The following SNAP25 variants were observed in gnomAD, a reference collection of about 807,000 sequenced individuals.
SNAP25 encodes the protein synaptosomal-associated protein 25.
SNAP25 carries 3 observed loss-of-function variants against 28.7 expected under a neutral mutation model. The observed-to-expected ratio is 0.10, with a 90% CI of 0.05 to 0.27. The LOEUF (loss-of-function observed/expected upper bound fraction) is 0.27, where lower values mean the gene tolerates loss of function less well. Among genes scored for constraint, SNAP25 ranks in the 10% least tolerant of loss-of-function variants. The probability of loss-of-function intolerance (pLI) is 1.00; values close to 1 mark genes in which losing one functional copy is unlikely to be tolerated. For missense variants in SNAP25, 117 were observed against 278.7 expected, an observed-to-expected ratio of 0.42 and a Z score of 4.13; for synonymous variants, 61 against 88.1, an observed-to-expected ratio of 0.69 and a Z score of 1.72.
chr20:10,288,476 G>A (rs1214104681), intron 4 of SNAP25, among the ~76,000 whole-genome samples: 1 of 152,208 alleles, frequency 6.6e-6, no homozygotes, highest in Non-Finnish European at 1.5e-5. Context: ...GATATAATTT[G>A]CTGAAATCTT....
intron 1 of SNAP25, among the ~76,000 whole-genome samples, chr20:10,234,404 G>C (rs538562066): frequency 6.6e-6 from 1 of 152,274 alleles, no homozygotes; most frequent in East Asian, 1.9e-4. Flanking sequence ...TGCTCTATAG[G>C]CTTAATACTA....
intron 1 of SNAP25, among the ~76,000 whole-genome samples, chr20:10,231,806 A>T (rs543570633): frequency 2.4e-4 from 36 of 152,316 alleles, no homozygotes; most frequent in Middle Eastern, 6.8e-3. Flanking sequence ...CAGATTTGGG[A>T]TGCTCAACTG....
intron 5 of SNAP25, 68 bp from the exon 6 acceptor site, chr20:10,296,857 A>C: frequency 6.2e-7 from 1 of 1,605,244 alleles, no homozygotes; most frequent in Admixed American, 1.7e-5. Flanking sequence ...TCGCTTGAAG[A>C]AGTGACAATT....
intron 1 of SNAP25, among the ~76,000 whole-genome samples, chr20:10,229,113 T>C (rs1352770471): frequency 6.6e-6 from 1 of 152,130 alleles, no homozygotes; most frequent in Non-Finnish European, 1.5e-5. Flanking sequence ...ATTTTAAAGA[T>C]GCTTGAGGAG....
In SNAP25 at chr20:10,291,605, TCA is replaced by T. The variant is rs1171583790; in HGVS notation, c.164-1553_164-1552del. On this transcript the variant is annotated intron_variant, in intron 4 of 7. Transcript: ENST00000254976. ...CACAGTAGGCTTTTATTTTCCAAAT[TCA>T]CAGTCTGGCAGTTTGGGTCACTAGT... Among the ~76,000 whole-genome samples, 9 of 152,374 alleles carry T rather than the reference TCA, an allele frequency of 5.9e-5. 1 individual carries two copies. Among genetic ancestry groups the T allele is most frequent in the Admixed American group, 5.9e-4 (9 of 15,310 alleles).
At chr20:10,240,309 C>T (rs1203952641) in intron 1 of SNAP25, among the ~76,000 whole-genome samples, 2 of 152,150 alleles carry the variant, frequency 1.3e-5, no homozygotes, top group Non-Finnish European at 2.9e-5. Context: ...CTTTTAAGGG[C>T]CTTCATCTGA....
intron 1 of SNAP25, among the ~76,000 whole-genome samples, chr20:10,245,282 G>T (rs1034271486): frequency 1.3e-5 from 2 of 152,070 alleles, no homozygotes; most frequent in African/African-American, 4.8e-5. Context: ...TGTGCCCTTG[G>T]GAATTCAGAC....
intron 1 of SNAP25, among the ~76,000 whole-genome samples, chr20:10,241,045 G>A (rs1440295730): frequency 6.6e-6 from 1 of 152,192 alleles, no homozygotes; most frequent in African/African-American, 2.4e-5. Context: ...CCATGGAGCT[G>A]GGCAAGAGTC....
intron 1 of SNAP25, among the ~76,000 whole-genome samples, chr20:10,260,815 T>C (rs767139264): frequency 2.0e-5 from 3 of 152,132 alleles, no homozygotes; most frequent in Admixed American, 6.6e-5. Flanking sequence ...GAACATTCAT[T>C]CCACCAATAA....
chr20:10,237,947 C>T (rs2062953240), intron 1 of SNAP25, among the ~76,000 whole-genome samples: 1 of 152,166 alleles, frequency 6.6e-6, no homozygotes, highest in Admixed American at 6.5e-5. Flanking sequence ...TCTGGTCTTT[C>T]CTGTTCCTTT....
intron 1 of SNAP25, among the ~76,000 whole-genome samples, chr20:10,260,738 CACAT>C (rs1408580774): frequency 1.9e-3 from 290 of 150,356 alleles, no homozygotes; most frequent in African/African-American, 6.9e-3. Flanking sequence ...CACACACACA[CACAT>C]CTGCCTTATA....
chr20:10,247,812 T>G (rs1227276723), intron 1 of SNAP25, among the ~76,000 whole-genome samples: 1 of 152,244 alleles, frequency 6.6e-6, no homozygotes, highest in East Asian at 1.9e-4. Context: ...AGTTAGCTTT[T>G]GCTTTGTAAC....
intron 1 of SNAP25, among the ~76,000 whole-genome samples, chr20:10,223,773 A>G (rs2062678898): frequency 1.3e-5 from 2 of 152,204 alleles, no homozygotes; most frequent in Admixed American, 6.5e-5. Context: ...CTTAACAATA[A>G]TACCTACTCT....
intron 1 of SNAP25, among the ~76,000 whole-genome samples, chr20:10,228,729 AG>A (rs2062775013): frequency 6.6e-6 from 1 of 152,172 alleles, no homozygotes; most frequent in Admixed American, 6.5e-5. Flanking sequence ...CTTGTGAAGT[AG>A]TTACCTCCAC....
At chr20:10,225,817 A>G (rs549464060) in intron 1 of SNAP25, among the ~76,000 whole-genome samples, 6 of 152,224 alleles carry the variant, frequency 3.9e-5, no homozygotes, top group African/African-American at 1.4e-4. Flanking sequence ...CAGATCTTGA[A>G]CTTGAGAGAT....
intron 1 of SNAP25, among the ~76,000 whole-genome samples, chr20:10,253,799 A>G (rs2063271412): frequency 6.6e-6 from 1 of 152,194 alleles, no homozygotes; most frequent in African/African-American, 2.4e-5. Context: ...TGGTTTAGTG[A>G]CATTTGTACA....
chr20:10,277,588 C>A (rs1302642850), intron 2 of SNAP25, 97 bp from the exon 3 acceptor site: 2 of 1,023,680 alleles, frequency 2.0e-6, no homozygotes, highest in Non-Finnish European at 2.9e-6. Context: ...GACAGAGACC[C>A]TTTGTGTTTC....
At chr20:10,238,905 AAATAATAAT>A (rs199598399) in intron 1 of SNAP25, among the ~76,000 whole-genome samples, 1 of 149,344 alleles carries the variant, frequency 6.7e-6, no homozygotes. Context: ...ACTCCGTTTC[AAATAATAAT>A]AATAATAATA....
chr20:10,238,297 G>T (rs183519155), intron 1 of SNAP25, among the ~76,000 whole-genome samples: 2 of 152,294 alleles, frequency 1.3e-5, no homozygotes, highest in Non-Finnish European at 2.9e-5. Context: ...TGGGTCCCAA[G>T]CAAATTGAAC....
Sources: allele counts gnomAD v4.1 joint callset (sites outside exome capture counted in the v4.1 genomes callset), GRCh38; gene constraint gnomAD v4.1.1; transcripts MANE v1.5; gene names NCBI Gene and HGNC (gene_info 2026-07-23, HGNC 2026-07-21).